Variants in NCAM1 observed in about 807,000 individuals in gnomAD.
The protein encoded by NCAM1 is neural cell adhesion molecule 1, also known as antigen recognized by monoclonal antibody 5.1H11.
In NCAM1, 14 loss-of-function variants were observed where a neutral mutation model predicts 109.8. That is an observed-to-expected ratio of 0.13 (90% CI 0.08 to 0.20). The LOEUF (loss-of-function observed/expected upper bound fraction) is 0.20, where lower values mean the gene tolerates loss of function less well. Ranked by LOEUF, NCAM1 falls within the 10% of genes least tolerant of loss-of-function variation. The pLI, the probability that NCAM1 is intolerant of heterozygous loss-of-function variation, is 1.00. For synonymous variants in NCAM1, 418 were observed against 442.9 expected (o/e 0.94, Z 0.70); for missense variants, 774 against 1,109.9 (o/e 0.70, Z 4.30).
intron 1 of NCAM1, among the ~76,000 whole-genome samples, chr11:113,131,094 G>A (rs556845805): frequency 2.7e-4 from 41 of 152,274 alleles, no homozygotes; most frequent in African/African-American, 8.2e-4. Context: ...AGTTGCCTCC[G>A]TATTCATATT....
intron 1 of NCAM1, among the ~76,000 whole-genome samples, chr11:113,022,521 A>G (rs1952420591): frequency 1.3e-5 from 2 of 152,152 alleles, no homozygotes; most frequent in African/African-American, 2.4e-5. Flanking sequence ...TACAGATCCT[A>G]CTTTTCAGAA....
intron 1 of NCAM1, among the ~76,000 whole-genome samples, chr11:113,011,991 CCTTCCTTCCTTCCTTCCTTCCTTT>C (rs1555074505): frequency 6.7e-6 from 1 of 148,612 alleles, no homozygotes; most frequent in Admixed American, 6.7e-5. Context: ...TTCCTTCCTT[CCTTCCTTCCTTCCTTCCTTCCTTT>C]CTTTCCTCTT....
intron 15 of NCAM1, among the ~76,000 whole-genome samples, chr11:113,250,597 C>T (rs1945648293): frequency 6.6e-6 from 1 of 152,082 alleles, no homozygotes; most frequent in African/African-American, 2.4e-5. Context: ...AAATAATCAA[C>T]CAAAGGAGAC....
rs782618990 is a variant in NCAM1, at chr11:113,232,250, T to G, written c.1321T>G (p.Tyr441Asp). ...QVNITCEVFA[Y>D]PSATISWFRD... ...GAACATCACCTGCGAGGTATTTGCCTATCCCAGTGCCACGATCTCATGGTT... is the reference window on the plus strand; with the variant it reads ...GAACATCACCTGCGAGGTATTTGCCGATCCCAGTGCCACGATCTCATGGTT... The change falls in exon 11 of 20, where the codon TAT becomes GAT. Residue 441 changes from tyrosine (Y) to aspartate (D), a missense_variant. By Grantham distance (160) the Tyr-to-Asp change is radical (BLOSUM62 -3). Coordinates refer to ENST00000316851, the MANE Select transcript of NCAM1 (RefSeq NM_181351.5). 6.2e-7 allele frequency: 1 copy of G among 1,613,930 alleles called. No homozygotes were observed. The highest frequency in any genetic ancestry group is 1.1e-5 in the South Asian group (1 of 91,058).
intron 1 of NCAM1, among the ~76,000 whole-genome samples, chr11:113,068,838 C>T (rs1161127511): frequency 3.9e-5 from 6 of 152,130 alleles, no homozygotes; most frequent in Non-Finnish European, 8.8e-5. Flanking sequence ...CAAATATTAT[C>T]TAGTACCCCT....
intron 1 of NCAM1, among the ~76,000 whole-genome samples, chr11:113,121,440 C>T (rs995931043): frequency 6.8e-6 from 1 of 147,300 alleles, no homozygotes; most frequent in Admixed American, 7.0e-5. Flanking sequence ...AGGCTGGTCT[C>T]GAACTCCTGA....
At chr11:113,252,466 C>A (rs1945711312) in intron 15 of NCAM1, among the ~76,000 whole-genome samples, 1 of 150,150 alleles carries the variant, frequency 6.7e-6, no homozygotes, top group African/African-American at 2.4e-5. Context: ...ACCTCATCAT[C>A]TTTTAAAAGA....
At chr11:113,250,777 G>T (rs944633072) in intron 15 of NCAM1, among the ~76,000 whole-genome samples, 1 of 152,146 alleles carries the variant, frequency 6.6e-6, no homozygotes, top group Non-Finnish European at 1.5e-5. Context: ...GATGAATAGA[G>T]AACACAGATG....
intron 1 of NCAM1, among the ~76,000 whole-genome samples, chr11:113,144,398 T>G (rs1177992038): frequency 6.6e-6 from 1 of 152,240 alleles, no homozygotes; most frequent in African/African-American, 2.4e-5. Context: ...TCTTAAAGAT[T>G]AGCAGTATTC....
chr11:113,245,093 T>G (rs896185408), intron 14 of NCAM1, among the ~76,000 whole-genome samples: 1 of 151,850 alleles, frequency 6.6e-6, no homozygotes, highest in African/African-American at 2.4e-5. Context: ...GAAAAGTGTT[T>G]TTTTTTTTTC....
At chr11:113,000,238 G>A (rs1214820067) in intron 1 of NCAM1, among the ~76,000 whole-genome samples, 1 of 152,158 alleles carries the variant, frequency 6.6e-6, no homozygotes, top group Admixed American at 6.5e-5. Context: ...AACATGATGA[G>A]TAAAAAGGAA....
chr11:113,009,320 T>TTGTTTTTTTTTTG (rs1565379674), intron 1 of NCAM1, among the ~76,000 whole-genome samples: 5 of 44,312 alleles, frequency 1.1e-4, no homozygotes, highest in African/African-American at 3.8e-4. Context: ...GGGTTTTTTT[T>TTGTTTTTTTTTTG]TTTTTTTTTT....
chr11:113,233,273 T>C lies in NCAM1; in HGVS notation c.1649T>C (p.Val550Ala), dbSNP rs1555117653. 6.2e-7 allele frequency: 1 copy of C among 1,613,542 alleles called. No individual in the cohort carries two copies. The highest frequency in any genetic ancestry group is 8.5e-7 in the Non-Finnish European group (1 of 1,179,774). Residue 550 changes from valine to alanine, a missense_variant, in exon 13 of 20, where the codon GTT (valine) becomes GCT (alanine). Val to Ala is a moderately conservative substitution (Grantham distance 64, BLOSUM62 0). Coordinates refer to ENST00000316851, the MANE Select transcript of NCAM1 (RefSeq NM_181351.5). This position sits in a 1 kb window ranked among gnomAD's most constrained non-coding sequence, Gnocchi z 4.5. ...ILKYKAEWRA[V>A]GEEVWHSKWY... The stretch of plus-strand genomic sequence containing the variant: ...AAATACAAAGCTGAGTGGAGAGCAG[T>C]TGGTGAAGAAGTATGGCATTCCAAG...
chr11:113,126,019 T>A (rs1263922505), intron 1 of NCAM1, among the ~76,000 whole-genome samples: 1 of 151,470 alleles, frequency 6.6e-6, no homozygotes. Context: ...TAGCCAGGTG[T>A]GGTGGTGCAT....
chr11:113,271,263 A>G (rs1011556186), intron 18 of NCAM1, among the ~76,000 whole-genome samples: 1 of 150,084 alleles, frequency 6.7e-6, no homozygotes, highest in Non-Finnish European at 1.5e-5. Flanking sequence ...CCAGCTATTC[A>G]GGAGGCTGAG....
chr11:113,201,456 G>A (rs1031348556), intron 1 of NCAM1, among the ~76,000 whole-genome samples: 8 of 152,128 alleles, frequency 5.3e-5, no homozygotes, highest in African/African-American at 4.8e-5. Context: ...TTAGATTTGG[G>A]GTTTACTTAA....
intron 1 of NCAM1, among the ~76,000 whole-genome samples, chr11:113,153,019 T>A (rs1362699649): frequency 6.6e-6 from 1 of 151,812 alleles, no homozygotes; most frequent in Non-Finnish European, 1.5e-5. Context: ...GAGGTTTATA[T>A]GAGCCTAAAC....
At chr11:113,267,773 A>G (rs1469926379) in intron 17 of NCAM1, among the ~76,000 whole-genome samples, 1 of 152,202 alleles carries the variant, frequency 6.6e-6, no homozygotes, top group Non-Finnish European at 1.5e-5. Flanking sequence ...GGATGTGCGC[A>G]GTGCCAGTGC....
intron 1 of NCAM1, among the ~76,000 whole-genome samples, chr11:113,100,044 A>C (rs944279984): frequency 7.2e-5 from 11 of 152,094 alleles, no homozygotes; most frequent in African/African-American, 2.4e-4. Context: ...GTCATGGAAA[A>C]ATCCCACCTT....
Sources: allele counts gnomAD v4.1 joint callset (sites outside exome capture counted in the v4.1 genomes callset), GRCh38; gene constraint gnomAD v4.1.1; non-coding constraint Gnocchi (gnomAD v3.1); transcripts MANE v1.5; gene names NCBI Gene and HGNC (gene_info 2026-07-23, HGNC 2026-07-21).